FAT3: variants seen among roughly 807,000 people sequenced by gnomAD.
FAT3 encodes protocadherin Fat 3.
In FAT3, 95 loss-of-function variants were observed where a neutral mutation model predicts 310.2. The ratio of observed to expected loss-of-function variants is 0.31; its 90% CI spans 0.26 to 0.36. The LOEUF is 0.36. Ranked by LOEUF, FAT3 falls within the 10% of genes least tolerant of loss-of-function variation. FAT3 has a pLI of 1.00. For synonymous variants in FAT3, 2,314 were observed against 2,192.9 expected, an observed-to-expected ratio of 1.06 and a Z score of -1.54; for missense variants, 5,408 against 5,715.6, an observed-to-expected ratio of 0.95 and a Z score of 1.74.
rs1257499203 is a variant in FAT3 at position 92,400,760 on chromosome 11, GAAGT to G, written c.3292+45361_3292+45364del. Reference sequence around the variant, plus strand: ...TAAATATAATACATAATAAAGTTATGAAGTAAGTTGATATGAACAGCAAATGAGA... The same window carrying G: ...TAAATATAATACATAATAAAGTTATGAAGTTGATATGAACAGCAAATGAGA... On this transcript the variant is annotated intron_variant, in intron 2 of 27. Transcript: ENST00000525166. 5 of 152,040 alleles carry G rather than the reference GAAGT, an allele frequency of 3.3e-5. No individual in the cohort carries two copies. The East Asian group carries it at 9.7e-4, about 29-fold the overall frequency. 9.4% of individuals were successfully genotyped at this position (152,040 alleles called of 1,614,324 possible).
chr11:92,877,325 A>G (rs1949554706), intron 22 of FAT3, among the ~76,000 whole-genome samples: 1 of 152,222 alleles, frequency 6.6e-6, no homozygotes, highest in Non-Finnish European at 1.5e-5. Flanking sequence ...AAAACGGTTT[A>G]GAGGCAGTCA....
intron 3 of FAT3, among the ~76,000 whole-genome samples, chr11:92,692,892 T>C (rs1943835944): frequency 6.6e-6 from 1 of 152,196 alleles, no homozygotes; most frequent in Admixed American, 6.5e-5. Flanking sequence ...TTAAAGAAAA[T>C]GTGAATGTCA....
intron 2 of FAT3, among the ~76,000 whole-genome samples, chr11:92,475,332 C>G (rs1191387979): frequency 6.6e-6 from 1 of 152,116 alleles, no homozygotes; most frequent in Non-Finnish European, 1.5e-5. Flanking sequence ...CAGTAATGAT[C>G]TGCTGACCAT....
chr11:92,371,713 T>C lies in FAT3; in HGVS notation c.3292+16309T>C, dbSNP rs138099601. The stretch of plus-strand genomic sequence containing the variant: ...GCTTGGACAACAGAGCAGGACTCTG[T>C]ACACCCCTCCCTGCCCCGCAAATGG... On this transcript the variant is annotated intron_variant, in intron 2 of 27. Coordinates refer to ENST00000525166, the MANE Select transcript of FAT3 (RefSeq NM_001367949.2). 4.3e-3 allele frequency among the ~76,000 whole-genome samples: 648 copies of C among 152,220 alleles called. 12 individuals are homozygous for C. The highest frequency in any genetic ancestry group is 0.036 in the South Asian group (175 of 4,818).
intron 1 of FAT3, among the ~76,000 whole-genome samples, chr11:92,290,313 T>C (rs1028907770): frequency 3.9e-5 from 6 of 152,176 alleles, no homozygotes; most frequent in Non-Finnish European, 5.9e-5. Context: ...CAAAGATTAT[T>C]GTCAGCTTTT....
intron 2 of FAT3, among the ~76,000 whole-genome samples, chr11:92,478,294 T>C (rs549187501): frequency 6.6e-6 from 1 of 152,316 alleles, no homozygotes; most frequent in East Asian, 1.9e-4. Flanking sequence ...ATTTTCCCAG[T>C]CACCCAGACT....
chr11:92,604,969 T>C (rs1167365487), intron 3 of FAT3, among the ~76,000 whole-genome samples: 1 of 152,224 alleles, frequency 6.6e-6, no homozygotes, highest in Admixed American at 6.5e-5. Context: ...CTTATGAAGA[T>C]AAAAACAAGA....
chr11:92,779,162 A>C lies in FAT3; in HGVS notation c.4335+4982A>C, dbSNP rs1428440948. ...AGCAAGGGAGGAATAGAGAGTATCC[A>C]GGTAGAAACAGAGACCCATAAGGAG... On this transcript the variant is annotated intron_variant, in intron 7 of 27. Coordinates refer to ENST00000525166, the MANE Select transcript of FAT3 (RefSeq NM_001367949.2). Among the ~76,000 whole-genome samples, 5 of 152,282 alleles carry C rather than the reference A, an allele frequency of 3.3e-5. No individual in the cohort carries two copies. The South Asian group carries it at 1.0e-3, about 32-fold the overall frequency.
intron 3 of FAT3, among the ~76,000 whole-genome samples, chr11:92,658,353 C>T (rs986132564): frequency 3.9e-5 from 6 of 152,202 alleles, no homozygotes; most frequent in African/African-American, 1.2e-4. Context: ...AAGTCGTCTT[C>T]TCAGTTACAC....
chr11:92,773,523 A>G lies in FAT3; in HGVS notation c.4196-518A>G, dbSNP rs1353883753. Among the ~76,000 whole-genome samples, 4 of 152,096 alleles carry G rather than the reference A, an allele frequency of 2.6e-5. No individual in the cohort carries two copies. The East Asian group carries it at 7.7e-4, about 29-fold the overall frequency. On this transcript the variant is annotated intron_variant, in intron 6 of 27. Coordinates refer to ENST00000525166, the MANE Select transcript of FAT3 (RefSeq NM_001367949.2). ...ATATGAAATTTTTTTGCTTTTTTTT[A>G]CTGTTTAGAATTCATAATTTTATTT...
intron 2 of FAT3, among the ~76,000 whole-genome samples, chr11:92,373,534 T>G (rs1949253151): frequency 6.6e-6 from 1 of 152,142 alleles, no homozygotes; most frequent in Admixed American, 6.5e-5. Flanking sequence ...GCCTTTGTTG[T>G]TAGGAGCTTA....
chr11:92,659,817 C>T (rs1236841628), intron 3 of FAT3, among the ~76,000 whole-genome samples: 2 of 152,086 alleles, frequency 1.3e-5, no homozygotes, highest in East Asian at 3.9e-4. Flanking sequence ...AGGTGGGTTG[C>T]CAAGAGCATC....
chr11:92,631,695 A>T (rs548665406), intron 3 of FAT3, among the ~76,000 whole-genome samples: 16 of 152,252 alleles, frequency 1.1e-4, no homozygotes, highest in Admixed American at 1.3e-4. Context: ...ATTTCTTTAT[A>T]GCAATGCCAA....
chr11:92,727,990 C>T (rs1292947832), intron 4 of FAT3, among the ~76,000 whole-genome samples: 3 of 152,050 alleles, frequency 2.0e-5, no homozygotes, highest in Non-Finnish European at 4.4e-5. Context: ...GCATGCTGGC[C>T]AGTGGTGGCA....
intron 1 of FAT3, among the ~76,000 whole-genome samples, chr11:92,331,467 AG>A (rs763873203): frequency 3.9e-5 from 6 of 152,010 alleles, no homozygotes; most frequent in Non-Finnish European, 8.8e-5. Flanking sequence ...CACTAAACAT[AG>A]CCCCTCAGGG....
At chr11:92,821,686 G>A (rs1281924766) in intron 13 of FAT3, among the ~76,000 whole-genome samples, 1 of 152,174 alleles carries the variant, frequency 6.6e-6, no homozygotes, top group Non-Finnish European at 1.5e-5. Context: ...GATGTTACCA[G>A]GGAATGAACA....
chr11:92,814,081 C>A (rs77356767), intron 13 of FAT3, among the ~76,000 whole-genome samples: 4 of 152,306 alleles, frequency 2.6e-5, no homozygotes, highest in Admixed American at 6.5e-5. Context: ...AACGTGCCCC[C>A]ACCAACACCA....
intron 2 of FAT3, among the ~76,000 whole-genome samples, chr11:92,510,913 TC>T (rs890717544): frequency 6.6e-6 from 1 of 152,204 alleles, no homozygotes; most frequent in African/African-American, 2.4e-5. Flanking sequence ...TCAATGGGCA[TC>T]CTCATGAGGA....
chr11:92,340,443 GGCC>G (rs1948219511), intron 1 of FAT3, among the ~76,000 whole-genome samples: 1 of 152,066 alleles, frequency 6.6e-6, no homozygotes, highest in East Asian at 1.9e-4. Flanking sequence ...GTGTCTCCAC[GGCC>G]TTAACTGTAT....
Sources: gnomAD v4.1 joint callset for allele counts (sites outside exome capture counted in the v4.1 genomes callset) on GRCh38, gnomAD v4.1.1 for gene constraint, MANE v1.5 for transcripts, NCBI Gene and HGNC (gene_info 2026-07-23, HGNC 2026-07-21) for gene names.